Variants in DPP10 observed in about 807,000 individuals in gnomAD.
The protein encoded by DPP10 is dipeptidyl peptidase like 10.
DPP10 carries 33 observed loss-of-function variants against 120.9 expected under a neutral mutation model. The observed-to-expected ratio is 0.27, with a 90% confidence interval of 0.21 to 0.37. The LOEUF (loss-of-function observed/expected upper bound fraction) is 0.37. Among genes scored for constraint, DPP10 ranks in the 10% least tolerant of loss-of-function variants. The pLI is 1.00. For missense variants in DPP10, 816 were observed against 942.8 expected, an observed-to-expected ratio of 0.87 and a Z score of 1.76; for synonymous variants, 337 against 326.1, an observed-to-expected ratio of 1.03 and a Z score of -0.36.
chr2:114,463,262 G>T (rs1330394506), intron 1 of DPP10: 2 of 152,122 alleles, frequency 1.3e-5, no homozygotes, highest in African/African-American at 4.8e-5. Flanking sequence ...TCACAATGAT[G>T]TTTCCTACTC....
chr2:114,780,672 T>A (rs990320608), intron 1 of DPP10, among the ~76,000 whole-genome samples: 1 of 152,106 alleles, frequency 6.6e-6, no homozygotes, highest in Admixed American at 6.6e-5. Context: ...AGGGCATTAT[T>A]ATGATTATCA....
At chr2:114,805,668 G>A (rs72832411) in intron 1 of DPP10, among the ~76,000 whole-genome samples, 9,747 of 152,250 alleles carry the variant, frequency 0.064, 363 homozygotes, top group Middle Eastern at 0.092. Flanking sequence ...CCCACAAAGT[G>A]CCTCTCAGGG....
intron 1 of DPP10, among the ~76,000 whole-genome samples, chr2:114,457,975 C>T (rs1678674080): frequency 1.3e-5 from 2 of 152,296 alleles, no homozygotes; most frequent in Admixed American, 1.3e-4. Flanking sequence ...AGCAACACAA[C>T]AATATTCCTT....
chr2:114,598,318 G>A (rs755300694), intron 1 of DPP10, among the ~76,000 whole-genome samples: 5 of 151,868 alleles, frequency 3.3e-5, no homozygotes, highest in African/African-American at 7.2e-5. Context: ...GAAATGTAAT[G>A]ATCAAACTGT....
intron 3 of DPP10, among the ~76,000 whole-genome samples, chr2:115,472,293 G>A (rs2074779286): frequency 1.3e-5 from 2 of 152,210 alleles, no homozygotes; most frequent in Non-Finnish European, 2.9e-5. Flanking sequence ...GCTAATGGTA[G>A]AACAAATTTT....
intron 1 of DPP10, among the ~76,000 whole-genome samples, chr2:114,580,940 C>T (rs1385541739): frequency 6.6e-6 from 1 of 152,000 alleles, no homozygotes; most frequent in East Asian, 1.9e-4. Flanking sequence ...TCTTTTTCTA[C>T]ATGTTTTTAG....
chr2:115,140,349 G>A (rs2050862251), intron 1 of DPP10, among the ~76,000 whole-genome samples: 1 of 152,176 alleles, frequency 6.6e-6, no homozygotes, highest in East Asian at 1.9e-4. Context: ...CAGCAAGGCA[G>A]GCAGCAAGTG....
At chr2:114,775,301 T>C (rs150552338) in intron 1 of DPP10, among the ~76,000 whole-genome samples, 300 of 152,180 alleles carry the variant, frequency 2.0e-3, no homozygotes, top group African/African-American at 7.0e-3. Flanking sequence ...ACCTCCAGAG[T>C]GCAAGTCGTT....
intron 1 of DPP10, among the ~76,000 whole-genome samples, chr2:114,993,578 G>GTATA (rs1384073454): frequency 0.17 from 14,747 of 88,444 alleles, 1,043 homozygotes; most frequent in Non-Finnish European, 0.21. Context: ...GTGTGTGTGT[G>GTATA]TGTATATATA....
chr2:114,924,630 G>A (rs1026536278), intron 1 of DPP10, among the ~76,000 whole-genome samples: 1 of 151,892 alleles, frequency 6.6e-6, no homozygotes, highest in Non-Finnish European at 1.5e-5. Flanking sequence ...AGATGAAATT[G>A]AGGGAAAATA....
At chr2:115,703,553 A>C (rs1432679630) in intron 7 of DPP10, among the ~76,000 whole-genome samples, 1 of 152,034 alleles carries the variant, frequency 6.6e-6, no homozygotes, top group Non-Finnish European at 1.5e-5. Context: ...GCAGGTTGGC[A>C]GTTGGGAAAG....
chr2:115,491,826 A>G (rs747395488), intron 3 of DPP10, among the ~76,000 whole-genome samples: 9 of 152,150 alleles, frequency 5.9e-5, no homozygotes, highest in Non-Finnish European at 1.2e-4. Context: ...TGTCAACTGG[A>G]TTAACACAAT....
intron 1 of DPP10, among the ~76,000 whole-genome samples, chr2:114,538,946 A>G (rs2104789079): frequency 6.6e-6 from 1 of 152,192 alleles, no homozygotes; most frequent in Non-Finnish European, 1.5e-5. Flanking sequence ...TTAGTCACAC[A>G]TACCCATCCA....
intron 1 of DPP10, among the ~76,000 whole-genome samples, chr2:114,927,906 G>A (rs1018088402): frequency 6.6e-6 from 1 of 152,132 alleles, no homozygotes; most frequent in Non-Finnish European, 1.5e-5. Flanking sequence ...AGGCAAGTAG[G>A]GGGAGTAGGG....
chr2:114,445,812 T>A (rs1267550347), intron 1 of DPP10, among the ~76,000 whole-genome samples: 1 of 152,270 alleles, frequency 6.6e-6, no homozygotes, highest in East Asian at 1.9e-4. Context: ...TTTCCTGGCA[T>A]ACTTTGGCAG....
At chr2:114,824,156 T>C (rs1451147707) in intron 1 of DPP10, among the ~76,000 whole-genome samples, 5 of 152,172 alleles carry the variant, frequency 3.3e-5, no homozygotes, top group Non-Finnish European at 5.9e-5. Context: ...GAATAAATGG[T>C]ACCAAGGATA....
intron 1 of DPP10, among the ~76,000 whole-genome samples, chr2:114,827,072 G>C (rs1686616917): frequency 1.3e-5 from 2 of 151,924 alleles, no homozygotes. Context: ...GGCTTGTTTG[G>C]GGGTCAGGAG....
At chr2:115,461,302 C>T (rs1309926543) in intron 3 of DPP10, among the ~76,000 whole-genome samples, 2 of 151,792 alleles carry the variant, frequency 1.3e-5, no homozygotes, top group Admixed American at 6.6e-5. Flanking sequence ...TGGTTATATG[C>T]TTGTATATAT....
chr2:115,014,539 A>G (rs189955047), intron 1 of DPP10, among the ~76,000 whole-genome samples: 18 of 152,292 alleles, frequency 1.2e-4, no homozygotes, highest in South Asian at 1.0e-3. Flanking sequence ...CCCTTCAAAA[A>G]ACCAATGAAT....
Sources: gnomAD v4.1 joint callset for allele counts (sites outside exome capture counted in the v4.1 genomes callset) on GRCh38, gnomAD v4.1.1 for gene constraint, MANE v1.5 for transcripts, NCBI Gene and HGNC (gene_info 2026-07-23, HGNC 2026-07-21) for gene names.